Variants in CCDC125 observed in about 807,000 individuals in gnomAD.
CCDC125 encodes coiled-coil domain-containing protein 125.
CCDC125 carries 43 observed loss-of-function variants against 57.4 expected under a neutral mutation model. The observed-to-expected ratio is 0.75, with a 90% CI of 0.59 to 0.97. The LOEUF (loss-of-function observed/expected upper bound fraction) is 0.97. Ranked by LOEUF, CCDC125 falls within the 50% of genes least tolerant of loss-of-function variation. The probability of loss-of-function intolerance (pLI) is 0.00; values close to 1 mark genes in which losing one functional copy is unlikely to be tolerated. For synonymous variants in CCDC125, 187 were observed against 195.2 expected, an observed-to-expected ratio of 0.96 and a Z score of 0.35; for missense variants, 563 against 595.7, an observed-to-expected ratio of 0.95 and a Z score of 0.57.
At chr5:69,316,367 G>A (rs573617583) in intron 2 of CCDC125, among the ~76,000 whole-genome samples, 29 of 152,256 alleles carry the variant, frequency 1.9e-4, no homozygotes, top group Middle Eastern at 3.4e-3. Flanking sequence ...AGAGGGAGAC[G>A]AGAAGGTAAA....
intron 7 of CCDC125, among the ~76,000 whole-genome samples, chr5:69,302,683 C>A (rs893066285): frequency 6.6e-6 from 1 of 151,156 alleles, no homozygotes; most frequent in Admixed American, 6.6e-5. Context: ...TAAGATTGCA[C>A]CACTGCACTC....
chr5:69,277,075 CTTT>C, downstream of CCDC125: 1 of 1,437,796 alleles, frequency 7.0e-7, no homozygotes, highest in Non-Finnish European at 9.4e-7. Context: ...ATGTGAACAA[CTTT>C]TTTTTTTCTT....
At chr5:69,326,932 T>A (rs1418849177) in intron 1 of CCDC125, among the ~76,000 whole-genome samples, 1 of 152,002 alleles carries the variant, frequency 6.6e-6, no homozygotes, top group East Asian at 1.9e-4. Flanking sequence ...GGTGCACACC[T>A]GTAGTCCCAA....
chr5:69,303,952 T>G (rs770070985), intron 6 of CCDC125, 23 bp from the exon 7 acceptor site: 1 of 1,334,072 alleles, frequency 7.5e-7, no homozygotes, highest in Non-Finnish European at 1.1e-6. Flanking sequence ...GGCTTTCAAA[T>G]AACTAAAACA....
rs1328752190 is a variant in CCDC125, at chr5:69,282,588, T to C, written c.*141A>G. ...AAGAAGAAAAAGAAAATGTAGAAAA[T>C]ATTTGATTTAAGTGACCTCCTAAAA... is the stretch of plus-strand genomic sequence containing the variant. On this transcript the variant is annotated 3_prime_UTR_variant, in exon 12 of 12. Coordinates refer to ENST00000396496, the MANE Select transcript of CCDC125 (RefSeq NM_176816.5). The C allele has an allele frequency of 1.4e-5, 9 of 652,646 alleles. No homozygotes were observed. The highest frequency in any genetic ancestry group is 2.3e-5 in the Non-Finnish European group (9 of 396,298). The allele number at this position is 652,646 out of a possible 1,614,324, so 40.4% of individuals were successfully genotyped here. A position where few individuals can be genotyped will look rare whatever the true frequency, so the allele number is the denominator to read the frequency against.
At chr5:69,279,123 A>G (rs1180879982), downstream of CCDC125, among the ~76,000 whole-genome samples, 2 of 151,960 alleles carry the variant, frequency 1.3e-5, no homozygotes, top group Non-Finnish European at 2.9e-5. Context: ...CACAAGGCCA[A>G]AATCAAGGTG....
In CCDC125 at chr5:69,282,880, GAA is replaced by G. The variant is rs1338824227; in HGVS notation, c.1383_1384del (p.Ser462ArgfsTer7). 1 of 1,614,108 alleles carries G rather than the reference GAA, an allele frequency of 6.2e-7. No individual in the cohort carries two copies. Among genetic ancestry groups the G allele is most frequent in the East Asian group, 2.2e-5 (1 of 44,860 alleles). ...AGGATCACCCAAAACAGAGAATTCT[GAA>G]GTCTTACGCCAGGGGTTGTTGAAAG... On this transcript the variant is annotated frameshift_variant, in exon 12 of 12. Transcript: ENST00000396496. LOFTEE classifies it low-confidence loss of function (END_TRUNC).
At chr5:69,287,263 A>ATTT (rs11331460) in intron 10 of CCDC125, among the ~76,000 whole-genome samples, 10 of 141,012 alleles carry the variant, frequency 7.1e-5, no homozygotes, top group Admixed American at 1.4e-4. Flanking sequence ...AGATTAATCA[A>ATTT]TTTTTTTTTT....
intron 1 of CCDC125, among the ~76,000 whole-genome samples, chr5:69,321,081 G>A (rs1171798610): frequency 6.6e-6 from 1 of 152,128 alleles, no homozygotes; most frequent in Non-Finnish European, 1.5e-5. Flanking sequence ...TAGACAGGAA[G>A]AATAAGGTTT....
intron 10 of CCDC125, among the ~76,000 whole-genome samples, chr5:69,287,009 A>C (rs1278220744): frequency 1.3e-5 from 2 of 151,576 alleles, no homozygotes; most frequent in East Asian, 1.9e-4. Context: ...AAAAAAAAAA[A>C]AAAACCCAAA....
At chr5:69,305,872 CACGTTCGTCTCCCTTTGTTCAGTCCA>C (rs1757251608) in intron 6 of CCDC125, among the ~76,000 whole-genome samples, 1 of 152,256 alleles carries the variant, frequency 6.6e-6, no homozygotes, top group African/African-American at 2.4e-5. Context: ...TTTTTATTCC[CACGTTCGTCTCCCTTTGTTCAGTCCA>C]ACAGGGATTG....
chr5:69,308,127 G>A lies in CCDC125; in HGVS notation c.454-99C>T, dbSNP rs1757626345. The A allele has an allele frequency of 1.1e-5, 9 of 843,686 alleles. No homozygotes were observed. In the East Asian group the frequency reaches 2.3e-4, roughly 21 times the overall value. 52.3% of individuals were successfully genotyped at this position (843,686 alleles called of 1,614,324 possible). A position where few individuals can be genotyped will look rare whatever the true frequency, so the allele number is the denominator to read the frequency against. ...TTATTTTAAGGCAATGGAAAATTAA[G>A]ATGAATTGACATAAGAATTTCACAG... On this transcript the variant is annotated intron_variant, in intron 4 of 11. Coordinates refer to ENST00000396496, the MANE Select transcript of CCDC125 (RefSeq NM_176816.5).
chr5:69,313,895 G>A (rs1758569795), intron 3 of CCDC125, 90 bp downstream of exon 3: 1 of 966,176 alleles, frequency 1.0e-6, no homozygotes, highest in East Asian at 2.4e-5. Flanking sequence ...AAAAAGGAGA[G>A]GGCATGGAGA....
chr5:69,282,947 T>C lies in CCDC125; in HGVS notation c.1318A>G (p.Asn440Asp). The stretch of plus-strand genomic sequence containing the variant: ...ATAGGATTTTTTTCTTTATTCTCGT[T>C]TGAAGCAGTGTCTTTGTCTTCCAAT... ...RALEDKDTAS[N>D]ENKEKNPIKE... is the part of the protein sequence containing the mutation. Residue 440 changes from asparagine (N) to aspartate (D), a missense_variant, in exon 12 of 12, where the codon AAC (asparagine) becomes GAC (aspartate). Coordinates refer to ENST00000396496, the MANE Select transcript of CCDC125 (RefSeq NM_176816.5). 6.2e-7 allele frequency: 1 copy of C among 1,614,038 alleles called. No homozygotes were observed. The highest frequency in any genetic ancestry group is 8.5e-7 in the Non-Finnish European group (1 of 1,180,008).
At chr5:69,311,566 C>T (rs888151085) in intron 3 of CCDC125, among the ~76,000 whole-genome samples, 2 of 151,890 alleles carry the variant, frequency 1.3e-5, no homozygotes, top group African/African-American at 4.8e-5. Context: ...ACAGGAGAAT[C>T]GCTTGAACCC....
intron 1 of CCDC125, 32 bp from the exon 2 acceptor site, chr5:69,320,612 C>T: frequency 2.0e-6 from 2 of 988,882 alleles, no homozygotes; most frequent in Admixed American, 2.3e-5. Context: ...GTTAGGAAAA[C>T]ATCAGTAGAT....
intron 1 of CCDC125, among the ~76,000 whole-genome samples, chr5:69,332,048 G>A (rs968910843): frequency 6.6e-6 from 1 of 152,224 alleles, no homozygotes; most frequent in African/African-American, 2.4e-5. Flanking sequence ...TTGGACAGAA[G>A]AATCTACATT....
rs772183753 is a variant in CCDC125 at position 69,320,387 on chromosome 5, A to C, written c.154T>G (p.Ser52Ala). The change falls in exon 2 of 12, where the codon TCA becomes GCA. Residue 52 changes from serine (S) to alanine (A), a missense_variant. By Grantham distance (99) the Ser-to-Ala change is moderately conservative. Coordinates refer to ENST00000396496, the MANE Select transcript of CCDC125 (RefSeq NM_176816.5). The stretch of plus-strand genomic sequence containing the variant: ...GGAGGGCTAAAGTTCTTTCCATCTG[A>C]TCTTTTTCTAGACCTATGTGAAAAT... ...IEFSHRSRKR[S>A]DGKNFSPPPF... The C allele has an allele frequency of 1.2e-6, 2 of 1,613,896 alleles. No homozygotes were observed. Among genetic ancestry groups the C allele is most frequent in the East Asian group, 4.5e-5 (2 of 44,888 alleles).
At chr5:69,328,705 A>G (rs747559940) in intron 1 of CCDC125, among the ~76,000 whole-genome samples, 1 of 152,178 alleles carries the variant, frequency 6.6e-6, no homozygotes, top group South Asian at 2.1e-4. Context: ...TAACAGTACT[A>G]CAAAATCTAA....
Sources: gnomAD v4.1 joint callset for allele counts (sites outside exome capture counted in the v4.1 genomes callset) on GRCh38, gnomAD v4.1.1 for gene constraint, MANE v1.5 for transcripts, NCBI Gene and HGNC (gene_info 2026-07-23, HGNC 2026-07-21) for gene names.